GAB1: variants seen among roughly 807,000 people sequenced by gnomAD.
GAB1 encodes the protein GRB2-associated-binding protein 1.
GAB1 carries 19 observed loss-of-function variants against 66.5 expected under a neutral mutation model. The ratio of observed to expected loss-of-function variants is 0.29; its 90% CI spans 0.20 to 0.42. GAB1 has a LOEUF of 0.42. Ranked by LOEUF, GAB1 falls within the 10% of genes least tolerant of loss-of-function variation. The probability of loss-of-function intolerance (pLI) is 1.00; values close to 1 mark genes in which losing one functional copy is unlikely to be tolerated. For synonymous variants in GAB1, 294 were observed against 301.4 expected (o/e 0.98, Z 0.25); for missense variants, 732 against 858.5 (o/e 0.85, Z 1.84).
At chr4:143,361,144 T>G (rs1729648568) in intron 1 of GAB1, among the ~76,000 whole-genome samples, 1 of 152,084 alleles carries the variant, frequency 6.6e-6, no homozygotes, top group South Asian at 2.1e-4. Context: ...AGGGATTTCT[T>G]TTGCAATACG....
chr4:143,456,243 G>A (rs568433351), intron 6 of GAB1, among the ~76,000 whole-genome samples: 1 of 152,260 alleles, frequency 6.6e-6, no homozygotes, highest in East Asian at 1.9e-4. Context: ...GGATCACAAG[G>A]TCAGGAGATC....
intron 1 of GAB1, among the ~76,000 whole-genome samples, chr4:143,358,715 T>C (rs1231865069): frequency 6.6e-6 from 1 of 152,192 alleles, no homozygotes; most frequent in Non-Finnish European, 1.5e-5. Flanking sequence ...GCATTAATAT[T>C]TTCAGGCCCA....
At position 143,415,718 on chromosome 4, in the gene GAB1, A is replaced by G. The variant is rs1457066775; in HGVS notation, c.314A>G (p.Asn105Ser). Residue 105 changes from asparagine (N) to serine (S), a missense_variant, in exon 2 of 10, where the codon AAT (asparagine) becomes AGT (serine). Asn to Ser is a conservative substitution (Grantham distance 46). Coordinates refer to ENST00000262994, the MANE Select transcript of GAB1 (RefSeq NM_002039.4). ...GTAGCAGACAGCGAGGAGGAGATGA[A>G]TAAGTGGGTTCGTTGTATTTGTGAC... ...YLVADSEEEMNKWVRCICDIC... is the reference protein window; with the variant it reads ...YLVADSEEEMSKWVRCICDIC... 1 of 1,613,902 alleles carries G rather than the reference A, an allele frequency of 6.2e-7. No individual in the cohort carries two copies. The highest frequency in any genetic ancestry group is 2.2e-5 in the East Asian group (1 of 44,864).
In GAB1 at chr4:143,470,880, A is replaced by G. The variant is rs1383771294; in HGVS notation, c.*1691A>G. The G allele has an allele frequency of 1.3e-5, 2 of 152,242 alleles. No homozygotes were observed. The highest frequency in any genetic ancestry group is 2.9e-5 in the Non-Finnish European group (2 of 68,042). 9.4% of individuals were successfully genotyped at this position (152,242 alleles called of 1,614,324 possible). A position where few individuals can be genotyped will look rare whatever the true frequency, so the allele number is the denominator to read the frequency against. ...ATAACAAGATGAATTGTAGACTAGT[A>G]ACATTTGATGCTTTTAAATATTTGC... On this transcript the variant is annotated 3_prime_UTR_variant, in exon 10 of 10. Coordinates refer to ENST00000262994, the MANE Select transcript of GAB1 (RefSeq NM_002039.4).
intron 1 of GAB1, among the ~76,000 whole-genome samples, chr4:143,412,415 A>T (rs73850415): frequency 0.029 from 4,421 of 152,234 alleles, 204 homozygotes; most frequent in African/African-American, 0.1. Context: ...ATCTAATCTC[A>T]AAAATTTTAC....
chr4:143,450,354 T>C (rs1734850400), intron 6 of GAB1, among the ~76,000 whole-genome samples: 1 of 152,190 alleles, frequency 6.6e-6, no homozygotes, highest in Admixed American at 6.6e-5. Context: ...CTGCAAAACT[T>C]TGGGAAGAGT....
chr4:143,426,913 C>A (rs1578698094), intron 2 of GAB1, among the ~76,000 whole-genome samples: 1 of 152,150 alleles, frequency 6.6e-6, no homozygotes, highest in East Asian at 1.9e-4. Context: ...TATTTCACCT[C>A]TCTATGGTAA....
chr4:143,427,846 A>G (rs1020027874), intron 2 of GAB1, among the ~76,000 whole-genome samples: 4 of 152,204 alleles, frequency 2.6e-5, no homozygotes, highest in South Asian at 2.1e-4. Flanking sequence ...GAGGGGAGCA[A>G]AGCATCCCAG....
At chr4:143,448,485 T>C (rs1035768258) in intron 6 of GAB1, among the ~76,000 whole-genome samples, 9 of 151,922 alleles carry the variant, frequency 5.9e-5, no homozygotes, top group African/African-American at 1.9e-4. Flanking sequence ...TATTGGTCTA[T>C]TCAGAGATTC....
chr4:143,375,087 A>G (rs2149671010), intron 1 of GAB1, among the ~76,000 whole-genome samples: 1 of 152,268 alleles, frequency 6.6e-6, no homozygotes, highest in African/African-American at 2.4e-5. Context: ...AGCTGGAATT[A>G]TAGGTGCCCG....
rs560863874 is a variant in GAB1 at position 143,360,548 on chromosome 4, G to C, written c.72+23288G>C. Among the ~76,000 whole-genome samples the C allele has an allele frequency of 2.0e-5, 3 of 152,004 alleles. No individual in the cohort carries two copies. The East Asian group carries it at 5.8e-4, about 29-fold the overall frequency. ...CTACTTGGACACTACAAAAATAGAA[G>C]GAAAAAAAGGTGAATGAATAATTGG... On this transcript the variant is annotated intron_variant, in intron 1 of 9. Transcript: ENST00000262994.
chr4:143,443,774 GT>G (rs1734363897), intron 6 of GAB1, among the ~76,000 whole-genome samples: 1 of 152,176 alleles, frequency 6.6e-6, no homozygotes, highest in Non-Finnish European at 1.5e-5. Context: ...TAAGAAACCA[GT>G]AACATTCTAG....
chr4:143,439,769 G>C (rs766413500), intron 4 of GAB1, 33 bp from the exon 5 acceptor site: 2 of 1,479,936 alleles, frequency 1.4e-6, no homozygotes, highest in Non-Finnish European at 1.9e-6. Context: ...GCAAAGATGG[G>C]AATAAATGTT....
intron 1 of GAB1, among the ~76,000 whole-genome samples, chr4:143,379,827 A>G (rs1214537927): frequency 6.6e-6 from 1 of 151,850 alleles, no homozygotes; most frequent in East Asian, 1.9e-4. Context: ...GGCTCAAGCT[A>G]TCCTGCCTTG....
At chr4:143,411,530 G>A (rs189853785) in intron 1 of GAB1, among the ~76,000 whole-genome samples, 1 of 152,302 alleles carries the variant, frequency 6.6e-6, no homozygotes, top group Admixed American at 6.5e-5. Flanking sequence ...TAGAAAGCCT[G>A]TCCTTTTTGT....
At chr4:143,463,237 A>T (rs961565082) in intron 8 of GAB1, among the ~76,000 whole-genome samples, 11 of 152,320 alleles carry the variant, frequency 7.2e-5, no homozygotes, top group African/African-American at 2.6e-4. Flanking sequence ...AATTCAAATG[A>T]TGGTAAACCA....
At chr4:143,462,903 C>A (rs1246328614) in intron 8 of GAB1, among the ~76,000 whole-genome samples, 1 of 152,190 alleles carries the variant, frequency 6.6e-6, no homozygotes, top group African/African-American at 2.4e-5. Flanking sequence ...CTCAAATGAT[C>A]TGCCTGCCTT....
At chr4:143,386,874 G>A (rs10013047) in intron 1 of GAB1, among the ~76,000 whole-genome samples, 56,523 of 151,984 alleles carry the variant, frequency 0.37, 10,636 homozygotes, top group South Asian at 0.5. Context: ...TGTAGTTGCT[G>A]CAGAGATCAT....
At chr4:143,387,121 T>TTTG (rs28989227) in intron 1 of GAB1, among the ~76,000 whole-genome samples, 4,576 of 151,860 alleles carry the variant, frequency 0.03, 198 homozygotes, top group African/African-American at 0.093. Context: ...TGATTGGTTT[T>TTTG]TTGTTGTTGT....
Sources: gnomAD v4.1 joint callset for allele counts (sites outside exome capture counted in the v4.1 genomes callset) on GRCh38, gnomAD v4.1.1 for gene constraint, MANE v1.5 for transcripts, NCBI Gene and HGNC (gene_info 2026-07-23, HGNC 2026-07-21) for gene names.